The following FDX1 variants were observed in gnomAD, a reference collection of about 807,000 sequenced individuals.
The protein encoded by FDX1 is ferredoxin 1, also known as adrenodoxin, mitochondrial.
In FDX1, 9 loss-of-function variants were observed where a neutral mutation model predicts 14.9. The ratio of observed to expected loss-of-function variants is 0.60; its 90% CI spans 0.36 to 1.05. The LOEUF (loss-of-function observed/expected upper bound fraction) is 1.05, where lower values mean the gene tolerates loss of function less well. Ranked by LOEUF, FDX1 falls within the 50% of genes least tolerant of loss-of-function variation. The pLI is 0.01. For missense variants in FDX1, 204 were observed against 237.2 expected (o/e 0.86, Z 0.92); for synonymous variants, 92 against 99.4 (o/e 0.93, Z 0.44).
intron 1 of FDX1, among the ~76,000 whole-genome samples, chr11:110,432,267 C>G (rs184597420): frequency 6.6e-6 from 1 of 151,968 alleles, no homozygotes; most frequent in African/African-American, 2.4e-5. Context: ...AGATCTTTCA[C>G]GTGTATTGTT....
At chr11:110,445,470 A>G (rs1382989638) in intron 2 of FDX1, among the ~76,000 whole-genome samples, 1 of 152,210 alleles carries the variant, frequency 6.6e-6, no homozygotes, top group Non-Finnish European at 1.5e-5. Flanking sequence ...ACTCCCAACT[A>G]GCATTTTAAA....
chr11:110,463,695 G>A lies in FDX1; in HGVS notation c.*1227G>A, dbSNP rs982473703. 1.2e-4 allele frequency: 18 copies of A among 152,186 alleles called. No homozygotes were observed. The highest frequency in any genetic ancestry group is 4.3e-4 in the African/African-American group (18 of 41,512). The allele number at this position is 152,186 out of a possible 1,614,324, so 9.4% of individuals were successfully genotyped here. ...ATACAGCATTGTGTTATGCCCATTG[G>A]GGACACAGAGGTGAACAAGACAAGG... On this transcript the variant is annotated 3_prime_UTR_variant, in exon 4 of 4. Transcript: ENST00000260270.
chr11:110,447,594 C>G (rs1946460057), intron 2 of FDX1, among the ~76,000 whole-genome samples: 1 of 152,158 alleles, frequency 6.6e-6, no homozygotes. Flanking sequence ...CTTTGTCTCA[C>G]TTTGGTGATA....
intron 2 of FDX1, among the ~76,000 whole-genome samples, chr11:110,440,679 A>G (rs1002084014): frequency 1.3e-5 from 2 of 152,246 alleles, no homozygotes; most frequent in Admixed American, 6.5e-5. Flanking sequence ...GTACTGAAAT[A>G]TGTCCCAAAT....
At chr11:110,439,454 G>A (rs939052152) in intron 2 of FDX1, among the ~76,000 whole-genome samples, 1 of 151,878 alleles carries the variant, frequency 6.6e-6, no homozygotes, top group Non-Finnish European at 1.5e-5. Context: ...TGATCTGCCC[G>A]ATTTGGCCTC....
chr11:110,430,558 C>T (rs1946324068), intron 1 of FDX1, among the ~76,000 whole-genome samples: 1 of 152,236 alleles, frequency 6.6e-6, no homozygotes, highest in African/African-American at 2.4e-5. Context: ...GAATCGGGGA[C>T]CCTGGACGCC....
chr11:110,434,485 T>C (rs1946354350), intron 1 of FDX1, among the ~76,000 whole-genome samples: 2 of 151,994 alleles, frequency 1.3e-5, no homozygotes, highest in South Asian at 2.1e-4. Context: ...TACAGGCATG[T>C]ACCACCATGC....
In FDX1 at chr11:110,464,150, TG is replaced by T. The variant is rs1946578378; in HGVS notation, c.*1683del. 6.6e-6 allele frequency: 1 copy of T among 152,084 alleles called. No homozygotes were observed. Among genetic ancestry groups the T allele is most frequent in the African/African-American group, 2.4e-5 (1 of 41,408 alleles). 9.4% of individuals were successfully genotyped at this position (152,084 alleles called of 1,614,324 possible). On this transcript the variant is annotated 3_prime_UTR_variant, in exon 4 of 4. Transcript: ENST00000260270. ...CTGGTCTTGAACTTTTGAGCTCGAG[TG>T]ATCCACCCACCTCAGCCTCCCAAAA...
chr11:110,434,596 G>A (rs558204524), intron 1 of FDX1, among the ~76,000 whole-genome samples: 3 of 152,068 alleles, frequency 2.0e-5, no homozygotes, highest in African/African-American at 7.2e-5. Flanking sequence ...GCCTCCCAAA[G>A]TGTTGGAATT....
chr11:110,451,697 C>G (rs142515281), intron 2 of FDX1, among the ~76,000 whole-genome samples: 3 of 152,136 alleles, frequency 2.0e-5, no homozygotes. Context: ...AAATGCCAAT[C>G]AATGATAGGC....
intron 2 of FDX1, among the ~76,000 whole-genome samples, chr11:110,451,006 G>A (rs1011357916): frequency 6.6e-6 from 1 of 151,810 alleles, no homozygotes; most frequent in Non-Finnish European, 1.5e-5. Flanking sequence ...TACCCATATT[G>A]TGATCAGCTG....
intron 2 of FDX1, among the ~76,000 whole-genome samples, chr11:110,446,037 G>C (rs74414319): frequency 6.6e-6 from 1 of 151,962 alleles, no homozygotes; most frequent in Non-Finnish European, 1.5e-5. Flanking sequence ...ATAGAAATTC[G>C]CGTATTCAGA....
chr11:110,430,062 GTC>G lies in FDX1; in HGVS notation c.-54_-53del, dbSNP rs1946318742. 2 of 1,158,986 alleles carry G rather than the reference GTC, an allele frequency of 1.7e-6. No homozygotes were observed. Among genetic ancestry groups the G allele is most frequent in the East Asian group, 3.5e-5 (1 of 28,682 alleles). The allele number at this position is 1,158,986 out of a possible 1,614,324, so 71.8% of individuals were successfully genotyped here. On this transcript the variant is annotated 5_prime_UTR_variant, in exon 1 of 4. Coordinates refer to ENST00000260270, the MANE Select transcript of FDX1 (RefSeq NM_004109.5). ...CAGCTGCCGCCCCCGCCTCTTTGGA[GTC>G]TCTCGCGGCCTCAAAGCGCGGCCTG...
Position 110,430,241 on chromosome 11 carries a change from CG to C in FDX1, c.126del (p.Pro43ArgfsTer11), listed in dbSNP as rs1331192505. ...TGGATCCAGCGGCCTGCTGAGGAAC[CG>C]GGGGCCGGGCGGGAGCGCGGAGGCG... is the stretch of plus-strand genomic sequence containing the variant. ...RAGSSGLLRN[R>X]GPGGSAEASR... On this transcript the variant is annotated frameshift_variant, in exon 1 of 4. Coordinates refer to ENST00000260270, the MANE Select transcript of FDX1 (RefSeq NM_004109.5). LOFTEE classifies it high-confidence loss of function. The C allele has an allele frequency of 1.7e-6, 2 of 1,205,996 alleles. No individual in the cohort carries two copies. Among genetic ancestry groups the C allele is most frequent in the South Asian group, 4.1e-5 (1 of 24,158 alleles). The allele number at this position is 1,205,996 out of a possible 1,614,324, so 74.7% of individuals were successfully genotyped here.
intron 2 of FDX1, among the ~76,000 whole-genome samples, chr11:110,451,603 T>C (rs1946486931): frequency 6.6e-6 from 1 of 152,220 alleles, no homozygotes; most frequent in South Asian, 2.1e-4. Context: ...CCCAAAGGAA[T>C]ATAAATCATT....
intron 2 of FDX1, among the ~76,000 whole-genome samples, chr11:110,450,549 T>C (rs1017548502): frequency 6.6e-6 from 1 of 152,210 alleles, no homozygotes; most frequent in East Asian, 1.9e-4. Context: ...CTGTAAGACA[T>C]GATGTATTTT....
chr11:110,458,028 C>T (rs974540419), intron 3 of FDX1, among the ~76,000 whole-genome samples: 4 of 152,068 alleles, frequency 2.6e-5, no homozygotes, highest in African/African-American at 9.7e-5. Flanking sequence ...ATCTTCAGTG[C>T]CGTGTTCTCT....
chr11:110,433,585 G>C (rs916582095), intron 1 of FDX1, among the ~76,000 whole-genome samples: 1 of 152,138 alleles, frequency 6.6e-6, no homozygotes, highest in South Asian at 2.1e-4. Context: ...CTGCCTCTAG[G>C]GTATTTTCAT....
chr11:110,433,118 T>G (rs1946341953), intron 1 of FDX1, among the ~76,000 whole-genome samples: 1 of 152,206 alleles, frequency 6.6e-6, no homozygotes, highest in Non-Finnish European at 1.5e-5. Context: ...AGCTCTAGAG[T>G]GCTTCAGAAG....
Sources: allele counts gnomAD v4.1 joint callset (sites outside exome capture counted in the v4.1 genomes callset), GRCh38; gene constraint gnomAD v4.1.1; transcripts MANE v1.5; gene names NCBI Gene and HGNC (gene_info 2026-07-23, HGNC 2026-07-21).